The following ATG4C variants were observed in gnomAD, a reference collection of about 807,000 sequenced individuals.
ATG4C encodes the protein cysteine protease ATG4C.
Under a neutral mutation model 57.6 loss-of-function variants are expected in ATG4C, and 56 were observed. The ratio of observed to expected loss-of-function variants is 0.97; its 90% CI spans 0.78 to 1.21. The LOEUF is 1.21. Among genes scored for constraint, ATG4C ranks in the 50% most tolerant of loss-of-function variants. ATG4C has a pLI of 0.00. For synonymous variants in ATG4C, 157 were observed against 174.1 expected (o/e 0.90, Z 0.78); for missense variants, 595 against 529.8 (o/e 1.12, Z -1.21).
intron 3 of ATG4C, among the ~76,000 whole-genome samples, chr1:62,812,053 A>C (rs1281131116): frequency 6.6e-6 from 1 of 152,176 alleles, no homozygotes; most frequent in Non-Finnish European, 1.5e-5. Context: ...TTGTTTCTTA[A>C]TGAATTGACT....
intron 1 of ATG4C, among the ~76,000 whole-genome samples, chr1:62,790,806 A>T (rs897335599): frequency 3.3e-5 from 5 of 152,216 alleles, no homozygotes; most frequent in Admixed American, 6.5e-5. Context: ...AAGAAAAGTG[A>T]CATCAAGTGA....
At chr1:62,798,647 T>A (rs923205714) in intron 1 of ATG4C, among the ~76,000 whole-genome samples, 9 of 152,138 alleles carry the variant, frequency 5.9e-5, no homozygotes, top group African/African-American at 2.2e-4. Flanking sequence ...ATTTTAATAT[T>A]TGTTTTTTTT....
intron 10 of ATG4C, among the ~76,000 whole-genome samples, chr1:62,853,570 C>T (rs1206284672): frequency 1.3e-5 from 2 of 152,162 alleles, no homozygotes; most frequent in Non-Finnish European, 2.9e-5. Flanking sequence ...CCTCAGCCTC[C>T]TGACTAGCTG....
rs1665788906 is a variant in ATG4C, at chr1:62,829,983, CTATT to C, written c.933+809_933+812del. On this transcript the variant is annotated intron_variant, in intron 7 of 10. Coordinates refer to ENST00000317868, the MANE Select transcript of ATG4C (RefSeq NM_032852.4). ...TGAATCTATCTTTTATGATTAATAACTATTTGTTCCCTCCATGAGGCATCCCATG... is the reference window on the plus strand; with the variant it reads ...TGAATCTATCTTTTATGATTAATAACTGTTCCCTCCATGAGGCATCCCATG... Among the ~76,000 whole-genome samples the C allele has an allele frequency of 1.3e-5, 2 of 152,054 alleles. 1 individual carries two copies. Among genetic ancestry groups the C allele is most frequent in the South Asian group, 4.1e-4 (2 of 4,824 alleles).
At chr1:62,831,702 A>C (rs1451524386) in intron 7 of ATG4C, among the ~76,000 whole-genome samples, 1 of 152,196 alleles carries the variant, frequency 6.6e-6, no homozygotes, top group African/African-American at 2.4e-5. Flanking sequence ...CACCACTAGA[A>C]AAATAACTGT....
chr1:62,810,283 A>T (rs1407536710), intron 3 of ATG4C, among the ~76,000 whole-genome samples: 1 of 152,220 alleles, frequency 6.6e-6, no homozygotes, highest in African/African-American at 2.4e-5. Flanking sequence ...CAAGAAACTT[A>T]CAGTCCAACA....
intron 10 of ATG4C, among the ~76,000 whole-genome samples, chr1:62,852,380 C>T (rs184641334): frequency 9.6e-4 from 146 of 151,968 alleles, no homozygotes; most frequent in Non-Finnish European, 1.8e-3. Context: ...TTTTTTTCTT[C>T]ATGAACATTA....
chr1:62,863,985 G>GTTACAGATGCTGAAAT lies in ATG4C; in HGVS notation c.1210-4_1221dup, dbSNP rs1170623683. ...AATAAGGAATTCTTCTATACTTTCT[G>GTTACAGATGCTGAAAT]TTACAGATGCTGAAATTTTCTTCTA... On this transcript the variant is annotated splice_polypyrimidine_tract_variant and splice_region_variant and intron_variant, in intron 10 of 10. Coordinates refer to ENST00000317868, the MANE Select transcript of ATG4C (RefSeq NM_032852.4). The GTTACAGATGCTGAAAT allele has an allele frequency of 6.4e-7, 1 of 1,554,962 alleles. No homozygotes were observed. Among genetic ancestry groups the GTTACAGATGCTGAAAT allele is most frequent in the Admixed American group, 2.1e-5 (1 of 48,118 alleles).
chr1:62,825,565 A>G (rs1012280880), intron 6 of ATG4C, among the ~76,000 whole-genome samples: 1 of 152,028 alleles, frequency 6.6e-6, no homozygotes, highest in Non-Finnish European at 1.5e-5. Flanking sequence ...TTTTCTGTCT[A>G]TACTGATTTG....
chr1:62,841,354 A>C, intron 9 of ATG4C, 74 bp from the exon 10 acceptor site: 1 of 1,302,178 alleles, frequency 7.7e-7, no homozygotes, highest in Non-Finnish European at 1.0e-6. Context: ...CTAGATAGAA[A>C]ATTTTAAATA....
At chr1:62,834,746 A>T (rs1397287149) in intron 8 of ATG4C, 30 bp from the exon 9 acceptor site, 2 of 1,574,938 alleles carry the variant, frequency 1.3e-6, no homozygotes, top group African/African-American at 1.4e-5. Context: ...GTGTTTTTTG[A>T]ATTACTTGTC....
intron 2 of ATG4C, 77 bp downstream of exon 2, chr1:62,803,939 C>G (rs1664768730): frequency 2.4e-6 from 2 of 823,932 alleles, no homozygotes; most frequent in Admixed American, 2.8e-5. Flanking sequence ...TCTTAAGTCA[C>G]TGACAATTTC....
chr1:62,803,886 G>T, intron 2 of ATG4C, 24 bp downstream of exon 2: 1 of 1,394,896 alleles, frequency 7.2e-7, no homozygotes, highest in Non-Finnish European at 9.9e-7. Context: ...TTTAAAAATT[G>T]TATAAATCCA....
rs190151577 is a variant in ATG4C at position 62,829,173 on chromosome 1, G to A, written c.930G>A (p.Val310=). 1.1e-4 allele frequency: 183 copies of A among 1,612,346 alleles called. No homozygotes were observed. Among genetic ancestry groups the A allele is most frequent in the Non-Finnish European group, 1.4e-4 (168 of 1,179,006 alleles). ...ERTNTDYLEF[V]KGILSLEYCV... The stretch of plus-strand genomic sequence containing the variant: ...CCAACACCGACTACTTAGAATTTGT[G>A]AAGGTATGAAATAAGTGCTGAACTT... Residue 310 remains valine (V), a synonymous_variant, in exon 7 of 11, where the codon GTG becomes GTA. Coordinates refer to ENST00000317868, the MANE Select transcript of ATG4C (RefSeq NM_032852.4).
At chr1:62,808,656 T>C (rs1354379731) in intron 3 of ATG4C, among the ~76,000 whole-genome samples, 3 of 152,166 alleles carry the variant, frequency 2.0e-5, no homozygotes, top group African/African-American at 7.2e-5. Flanking sequence ...AAAAGGGGGT[T>C]GTACAAAGTG....
intron 1 of ATG4C, among the ~76,000 whole-genome samples, chr1:62,795,354 ACT>A (rs1664427156): frequency 6.6e-6 from 1 of 152,130 alleles, no homozygotes; most frequent in Non-Finnish European, 1.5e-5. Flanking sequence ...TAGAAAAGTG[ACT>A]CTCTAAAAAT....
intron 1 of ATG4C, among the ~76,000 whole-genome samples, chr1:62,791,748 A>G (rs1664280503): frequency 6.6e-6 from 1 of 152,200 alleles, no homozygotes; most frequent in South Asian, 2.1e-4. Flanking sequence ...TCTTAAAGGC[A>G]CCATGATAAC....
chr1:62,785,337 A>G (rs1360805970), intron 1 of ATG4C: 1 of 152,236 alleles, frequency 6.6e-6, no homozygotes, highest in Non-Finnish European at 1.5e-5. Flanking sequence ...ATTTAGTCCA[A>G]TAATCTGAGG....
intron 3 of ATG4C, among the ~76,000 whole-genome samples, chr1:62,806,520 A>G (rs1664885150): frequency 6.6e-6 from 1 of 152,084 alleles, no homozygotes; most frequent in Non-Finnish European, 1.5e-5. Flanking sequence ...AGAATTATAT[A>G]TATATATTTT....
Sources: gnomAD v4.1 joint callset for allele counts (sites outside exome capture counted in the v4.1 genomes callset) on GRCh38, gnomAD v4.1.1 for gene constraint, MANE v1.5 for transcripts, NCBI Gene and HGNC (gene_info 2026-07-23, HGNC 2026-07-21) for gene names.